Variants in BMPR1A observed in about 807,000 individuals in gnomAD.
BMPR1A encodes the protein bone morphogenetic protein receptor type-1A.
BMPR1A carries 7 observed loss-of-function variants against 66.0 expected under a neutral mutation model. The observed-to-expected ratio is 0.11, with a 90% CI of 0.06 to 0.20. The LOEUF (loss-of-function observed/expected upper bound fraction) is 0.20. Among genes scored for constraint, BMPR1A ranks in the 10% least tolerant of loss-of-function variants. The pLI is 1.00. For missense variants in BMPR1A, 408 were observed against 669.1 expected (o/e 0.61, Z 4.31); for synonymous variants, 200 against 229.7 (o/e 0.87, Z 1.17).
intron 5 of BMPR1A, among the ~76,000 whole-genome samples, chr10:86,893,735 C>T (rs1314524103): frequency 6.6e-6 from 1 of 151,570 alleles, no homozygotes; most frequent in Non-Finnish European, 1.5e-5. Context: ...TTGCAGTGAG[C>T]TGAGATCGCA....
intron 4 of BMPR1A, among the ~76,000 whole-genome samples, chr10:86,891,821 T>C (rs771101202): frequency 1.3e-5 from 2 of 152,218 alleles, no homozygotes; most frequent in Non-Finnish European, 2.9e-5. Flanking sequence ...ATAAATCAGC[T>C]TTCTGTGATC....
intron 1 of BMPR1A, among the ~76,000 whole-genome samples, chr10:86,828,993 A>G (rs1564697147): frequency 6.6e-6 from 1 of 152,130 alleles, no homozygotes; most frequent in Non-Finnish European, 1.5e-5. Flanking sequence ...TCTGGGGTTC[A>G]GTCTGTTGCG....
At chr10:86,811,021 C>T (rs948567569) in intron 1 of BMPR1A, among the ~76,000 whole-genome samples, 11 of 152,046 alleles carry the variant, frequency 7.2e-5, no homozygotes, top group South Asian at 4.2e-4. Flanking sequence ...CCACAGCACC[C>T]GGCCCGTTTT....
chr10:86,867,424 A>T (rs1842800278), intron 2 of BMPR1A, among the ~76,000 whole-genome samples: 1 of 152,236 alleles, frequency 6.6e-6, no homozygotes, highest in African/African-American at 2.4e-5. Flanking sequence ...ACAGTTCTGC[A>T]ATAACTGATT....
intron 1 of BMPR1A, among the ~76,000 whole-genome samples, chr10:86,776,603 T>C (rs1841351593): frequency 6.6e-6 from 1 of 152,074 alleles, no homozygotes; most frequent in South Asian, 2.1e-4. Flanking sequence ...CCTGGAGGGG[T>C]TATCCTTTAC....
intron 3 of BMPR1A, among the ~76,000 whole-genome samples, chr10:86,887,398 C>G (rs1000413360): frequency 3.9e-5 from 6 of 152,082 alleles, no homozygotes; most frequent in African/African-American, 1.4e-4. Context: ...TTTCATATAA[C>G]TTTGAGTTTT....
At position 86,924,046 on chromosome 10, in the gene BMPR1A, C is replaced by T. The variant is rs1261512108; in HGVS notation, c.*327C>T. ...AGCTCTGGGTACTGAATTGCCTGTT[C>T]ATAAAACGGTGCTTTCTGTGAAAGC... On this transcript the variant is annotated 3_prime_UTR_variant, in exon 13 of 13. Coordinates refer to ENST00000372037, the MANE Select transcript of BMPR1A (RefSeq NM_004329.3). The T allele has an allele frequency of 9.5e-6, 4 of 420,992 alleles. No homozygotes were observed. The highest frequency in any genetic ancestry group is 7.9e-5 in the African/African-American group (4 of 50,724). The allele number at this position is 420,992 out of a possible 1,614,324, so 26.1% of individuals were successfully genotyped here.
intron 1 of BMPR1A, among the ~76,000 whole-genome samples, chr10:86,817,453 T>C (rs1842050954): frequency 6.6e-6 from 1 of 152,250 alleles, no homozygotes; most frequent in Non-Finnish European, 1.5e-5. Flanking sequence ...CAATACTCCA[T>C]TGTATGCATA....
At chr10:86,848,559 CT>C (rs1283157455) in intron 2 of BMPR1A, among the ~76,000 whole-genome samples, 1 of 152,070 alleles carries the variant, frequency 6.6e-6, no homozygotes, top group African/African-American at 2.4e-5. Flanking sequence ...ATTAACTCCA[CT>C]TTTTTGTTAT....
chr10:86,797,783 T>A (rs1051311379), intron 1 of BMPR1A, among the ~76,000 whole-genome samples: 1 of 152,096 alleles, frequency 6.6e-6, no homozygotes, highest in Non-Finnish European at 1.5e-5. Flanking sequence ...TCCAAAAAGG[T>A]TGAGTTGTGG....
At chr10:86,921,750 A>G in intron 11 of BMPR1A, 55 bp downstream of exon 11, 3 of 1,611,102 alleles carry the variant, frequency 1.9e-6, no homozygotes, top group Non-Finnish European at 2.5e-6. Context: ...TTTAAAAATA[A>G]CAGCTCCAGT....
At chr10:86,900,183 C>G (rs1436977857) in intron 7 of BMPR1A, 57 bp downstream of exon 7, 4 of 1,544,316 alleles carry the variant, frequency 2.6e-6, no homozygotes, top group Admixed American at 3.4e-5. Context: ...ATGTCAACCG[C>G]TGTTTGTAAA....
intron 2 of BMPR1A, among the ~76,000 whole-genome samples, chr10:86,874,260 A>G (rs1842890540): frequency 6.6e-6 from 1 of 152,222 alleles, no homozygotes; most frequent in Admixed American, 6.5e-5. Context: ...TGTCTATATT[A>G]ATAATCACCA....
In BMPR1A at chr10:86,858,776, C is replaced by T. The variant is rs181855154; in HGVS notation, c.-152-17091C>T. On this transcript the variant is annotated intron_variant, in intron 2 of 12. Coordinates refer to ENST00000372037, the MANE Select transcript of BMPR1A (RefSeq NM_004329.3). ...AAAACACTGATGAAGGAAATTGAAG[C>T]GGGCACAAAATATGGAAAGACATCC... Among the ~76,000 whole-genome samples the T allele has an allele frequency of 6.4e-4, 98 of 151,948 alleles. 1 individual carries two copies. Among genetic ancestry groups the T allele is most frequent in the Middle Eastern group, 3.4e-3 (1 of 294 alleles).
intron 1 of BMPR1A, among the ~76,000 whole-genome samples, chr10:86,815,679 G>A (rs181065441): frequency 6.4e-4 from 98 of 152,276 alleles, no homozygotes; most frequent in Non-Finnish European, 9.1e-4. Flanking sequence ...ATGAAATAGC[G>A]ATACCCTGGA....
Position 86,906,749 on chromosome 10 carries a change from A to C in BMPR1A, c.531-5491A>C, listed in dbSNP as rs1395961435. 1.7e-4 allele frequency among the ~76,000 whole-genome samples: 6 copies of C among 34,408 alleles called. 1 individual carries two copies. Among genetic ancestry groups the C allele is most frequent in the South Asian group, 1.0e-3 (1 of 990 alleles). 22.6% of individuals were successfully genotyped at this position (34,408 alleles called of 152,430 possible). ...AAAAAAAAAAAAAAAAAAAAAAAAA[A>C]AAAAAAAAAAAAACACTTTGTCCTT... On this transcript the variant is annotated intron_variant, in intron 7 of 12. Transcript: ENST00000372037.
At chr10:86,826,865 A>G (rs1322605193) in intron 1 of BMPR1A, among the ~76,000 whole-genome samples, 1 of 152,138 alleles carries the variant, frequency 6.6e-6, no homozygotes, top group Non-Finnish European at 1.5e-5. Context: ...ATTTATGTAC[A>G]TTACATAAAG....
chr10:86,812,450 C>T (rs527907922), intron 1 of BMPR1A, among the ~76,000 whole-genome samples: 4 of 152,204 alleles, frequency 2.6e-5, no homozygotes, highest in East Asian at 3.9e-4. Flanking sequence ...CAGTTTTTGG[C>T]GATGATGAAT....
chr10:86,822,666 T>G (rs531079686), intron 1 of BMPR1A, among the ~76,000 whole-genome samples: 1 of 152,208 alleles, frequency 6.6e-6, no homozygotes, highest in African/African-American at 2.4e-5. Context: ...AGGCAGAGTC[T>G]TACTCTGTCA....
Sources: allele counts gnomAD v4.1 joint callset (sites outside exome capture counted in the v4.1 genomes callset), GRCh38; gene constraint gnomAD v4.1.1; transcripts MANE v1.5; gene names NCBI Gene and HGNC (gene_info 2026-07-23, HGNC 2026-07-21).